Variants in ADAMTSL1 observed in about 807,000 individuals in gnomAD.
ADAMTSL1 encodes the protein ADAMTS like 1, also known as ADAMTS-like protein 1.
A neutral mutation model predicts 201.8 loss-of-function variants in ADAMTSL1; 126 were observed. The observed-to-expected ratio is 0.62, with a 90% CI of 0.54 to 0.72. The LOEUF (loss-of-function observed/expected upper bound fraction) is 0.72. Among genes scored for constraint, ADAMTSL1 ranks in the 30% least tolerant of loss-of-function variants. The pLI is 0.00. For missense variants in ADAMTSL1, 2,679 were observed against 2,277.8 expected, an observed-to-expected ratio of 1.18 and a Z score of -3.59; for synonymous variants, 1,121 against 903.4, an observed-to-expected ratio of 1.24 and a Z score of -4.32.
chr9:18,000,316 T>C lies in ADAMTSL1; in HGVS notation c.87+93394T>C, dbSNP rs190063564. On this transcript the variant is annotated intron_variant, in intron 1 of 29. Coordinates refer to the ADAMTSL1 transcript ENST00000680146. The stretch of plus-strand genomic sequence containing the variant: ...AAAAAGTCATTAAAAAGTCAGACAC[T>C]TTTTTTCTGTCTCCTAAAATCCCCT... 2.6e-5 allele frequency among the ~76,000 whole-genome samples: 4 copies of C among 152,092 alleles called. No homozygotes were observed. In the East Asian group the frequency reaches 7.8e-4, roughly 30 times the overall value.
rs918346692 is a variant in ADAMTSL1 at position 18,826,232 on chromosome 9, G to C, written c.3935-52G>C. The C allele has an allele frequency of 3.2e-6, 5 of 1,553,656 alleles. No individual in the cohort carries two copies. The East Asian group carries it at 1.2e-4, about 38-fold the overall frequency. On this transcript the variant is annotated intron_variant, in intron 21 of 28. Transcript: ENST00000380548. ...GCTATAAATGCCTCTGGGCTCACCTGAATGTGTTTGACTGATGAGTGGGGT... is the reference window on the plus strand; with the variant it reads ...GCTATAAATGCCTCTGGGCTCACCTCAATGTGTTTGACTGATGAGTGGGGT...
intron 7 of ADAMTSL1, among the ~76,000 whole-genome samples, chr9:18,652,362 T>A (rs911272866): frequency 1.9e-5 from 1 of 53,152 alleles, no homozygotes; most frequent in African/African-American, 9.3e-5. Context: ...CAAAACTCCA[T>A]CTCAAAAAAA....
chr9:18,734,686 A>AGAGAAGGTGACCTT (rs1407572706), intron 15 of ADAMTSL1, among the ~76,000 whole-genome samples: 2 of 152,230 alleles, frequency 1.3e-5, no homozygotes, highest in Non-Finnish European at 2.9e-5. Flanking sequence ...AATCCAGGTT[A>AGAGAAGGTGACCTT]GAGAAGGTGA....
chr9:18,054,548 A>G (rs1419100866), intron 1 of ADAMTSL1, among the ~76,000 whole-genome samples: 3 of 152,142 alleles, frequency 2.0e-5, no homozygotes, highest in African/African-American at 7.2e-5. Context: ...CTTACATTCT[A>G]GGTCCTATTA....
chr9:17,992,967 G>A (rs556258225), intron 1 of ADAMTSL1, among the ~76,000 whole-genome samples: 12 of 152,258 alleles, frequency 7.9e-5, no homozygotes, highest in African/African-American at 2.9e-4. Flanking sequence ...GAAGAGAGGG[G>A]TATTAATCTA....
At chr9:18,461,647 A>G (rs1820810393) in intron 2 of ADAMTSL1, among the ~76,000 whole-genome samples, 2 of 152,186 alleles carry the variant, frequency 1.3e-5, no homozygotes, top group South Asian at 4.1e-4. Flanking sequence ...ACATTCAGTT[A>G]CAAGGCAGTA....
At position 18,909,592 on chromosome 9, in the gene ADAMTSL1, C is replaced by T. The variant is rs1291578550; in HGVS notation, c.*1044C>T. 1.3e-5 allele frequency: 2 copies of T among 152,246 alleles called. No homozygotes were observed. 9.4% of individuals were successfully genotyped at this position (152,246 alleles called of 1,614,324 possible). ...GCCTTCTAGGACCTTTGCTGCTCCACCGAAGGGCCAGGGACTATGGTTAAC... is the reference window on the plus strand; with the variant it reads ...GCCTTCTAGGACCTTTGCTGCTCCATCGAAGGGCCAGGGACTATGGTTAAC... On this transcript the variant is annotated 3_prime_UTR_variant, in exon 29 of 29. Coordinates refer to ENST00000380548, the MANE Select transcript of ADAMTSL1 (RefSeq NM_001040272.6).
intron 2 of ADAMTSL1, among the ~76,000 whole-genome samples, chr9:18,527,147 A>C (rs78066436): frequency 6.6e-6 from 1 of 152,320 alleles, no homozygotes; most frequent in East Asian, 1.9e-4. Flanking sequence ...AAGCAAAAAG[A>C]AAAAAACCAG....
intron 7 of ADAMTSL1, among the ~76,000 whole-genome samples, chr9:18,643,572 A>G (rs1366658857): frequency 6.6e-6 from 1 of 151,922 alleles, no homozygotes; most frequent in African/African-American, 2.4e-5. Flanking sequence ...AATCCATTTT[A>G]AGTTGATTTT....
rs1406262069 is a variant in ADAMTSL1 at position 18,653,191 on chromosome 9, A to G, written c.835-4448A>G. On this transcript the variant is annotated intron_variant, in intron 7 of 28. Coordinates refer to ENST00000380548, the MANE Select transcript of ADAMTSL1 (RefSeq NM_001040272.6). ...TGCAGAGACAGAGAACTGGTTCCTC[A>G]TCTTTCTTTCACTCTTGAGAGTTGC... Among the ~76,000 whole-genome samples the G allele has an allele frequency of 2.0e-5, 3 of 152,186 alleles. No individual in the cohort carries two copies. In the East Asian group the frequency reaches 5.8e-4, roughly 29 times the overall value.
intron 2 of ADAMTSL1, among the ~76,000 whole-genome samples, chr9:18,321,650 G>A (rs536987106): frequency 5.4e-4 from 82 of 152,138 alleles, no homozygotes; most frequent in African/African-American, 1.7e-3. Context: ...AAAATTAGCC[G>A]GGCGTGGCAA....
At chr9:18,585,712 A>G (rs1229264335) in intron 4 of ADAMTSL1, among the ~76,000 whole-genome samples, 1 of 152,148 alleles carries the variant, frequency 6.6e-6, no homozygotes, top group African/African-American at 2.4e-5. Context: ...TCAACAAAAT[A>G]CTGGCAAACC....
At chr9:18,491,633 T>C (rs556161130) in intron 1 of ADAMTSL1, among the ~76,000 whole-genome samples, 1 of 152,340 alleles carries the variant, frequency 6.6e-6, no homozygotes, top group African/African-American at 2.4e-5. Flanking sequence ...ACATGATCAT[T>C]TAATTTATAA....
chr9:18,650,400 G>A (rs969750129), intron 7 of ADAMTSL1, among the ~76,000 whole-genome samples: 3 of 152,008 alleles, frequency 2.0e-5, no homozygotes, highest in African/African-American at 7.2e-5. Flanking sequence ...TGCACCCACT[G>A]ACCTGCACCC....
chr9:18,245,005 C>T (rs544691433), intron 2 of ADAMTSL1, among the ~76,000 whole-genome samples: 70 of 152,222 alleles, frequency 4.6e-4, no homozygotes, highest in Non-Finnish European at 8.7e-4. Flanking sequence ...TTTTTATTTG[C>T]ATTTTATTTG....
At chr9:18,649,781 G>A (rs146123830) in intron 7 of ADAMTSL1, among the ~76,000 whole-genome samples, 6,430 of 152,116 alleles carry the variant, frequency 0.042, 189 homozygotes, top group South Asian at 0.081. Context: ...CGCCGTGTGA[G>A]GTGTCAGTCT....
chr9:18,454,713 C>T (rs111249670), intron 2 of ADAMTSL1, among the ~76,000 whole-genome samples: 204 of 152,234 alleles, frequency 1.3e-3, no homozygotes, highest in African/African-American at 4.7e-3. Flanking sequence ...TTATATTATT[C>T]CACCTTTTTA....
intron 1 of ADAMTSL1, among the ~76,000 whole-genome samples, chr9:18,475,810 A>G (rs182490541): frequency 6.6e-6 from 1 of 152,222 alleles, no homozygotes; most frequent in African/African-American, 2.4e-5. Context: ...AATTACCAGT[A>G]TACATTACTT....
chr9:18,329,018 C>A (rs1834932891), intron 2 of ADAMTSL1, among the ~76,000 whole-genome samples: 1 of 152,118 alleles, frequency 6.6e-6, no homozygotes, highest in African/African-American at 2.4e-5. Flanking sequence ...TACATCCCTC[C>A]AAAATTTCCT....
Sources: allele counts gnomAD v4.1 joint callset (sites outside exome capture counted in the v4.1 genomes callset), GRCh38; gene constraint gnomAD v4.1.1; transcripts MANE v1.5; gene names NCBI Gene and HGNC (gene_info 2026-07-23, HGNC 2026-07-21).